Variants in ZFHX3 observed in about 807,000 individuals in gnomAD.
ZFHX3 encodes the protein zinc finger homeobox 3, also known as zinc finger homeobox protein 3.
In ZFHX3, 42 loss-of-function variants were observed where a neutral mutation model predicts 279.1. The ratio of observed to expected loss-of-function variants is 0.15; its 90% CI spans 0.12 to 0.19. ZFHX3 has a LOEUF of 0.19. Among genes scored for constraint, ZFHX3 ranks in the 10% least tolerant of loss-of-function variants. ZFHX3 has a pLI of 1.00. For missense variants in ZFHX3, 4,981 were observed against 4,754.0 expected, an observed-to-expected ratio of 1.05 and a Z score of -1.40; for synonymous variants, 2,293 against 1,957.8, an observed-to-expected ratio of 1.17 and a Z score of -4.52.
At chr16:72,897,256 C>T (rs1411641274) in intron 3 of ZFHX3, among the ~76,000 whole-genome samples, 3 of 152,186 alleles carry the variant, frequency 2.0e-5, no homozygotes, top group East Asian at 3.9e-4. Flanking sequence ...CAGCTTCTCG[C>T]TTCAGGGAGA....
chr16:73,668,779 A>G (rs912503126), intron 2 of ZFHX3, among the ~76,000 whole-genome samples: 1 of 152,220 alleles, frequency 6.6e-6, no homozygotes, highest in African/African-American at 2.4e-5. Flanking sequence ...TCTCAAAAGA[A>G]GACGCTTATG....
chr16:73,413,027 T>G (rs1567476373), intron 3 of ZFHX3, among the ~76,000 whole-genome samples: 1 of 152,208 alleles, frequency 6.6e-6, no homozygotes, highest in Non-Finnish European at 1.5e-5. Flanking sequence ...GAAAGCTGCC[T>G]TGCAGGAGTT....
At chr16:73,779,151 A>G (rs1959364322) in intron 1 of ZFHX3, among the ~76,000 whole-genome samples, 1 of 152,214 alleles carries the variant, frequency 6.6e-6, no homozygotes, top group Admixed American at 6.5e-5. Context: ...ATATGGCTAT[A>G]GCATTCCCGA....
intron 5 of ZFHX3, among the ~76,000 whole-genome samples, chr16:72,826,913 G>A (rs1388620407): frequency 6.6e-5 from 10 of 152,106 alleles, no homozygotes; most frequent in African/African-American, 2.4e-4. Context: ...ATGTCCACTA[G>A]TGCTGTGAAG....
intron 2 of ZFHX3, among the ~76,000 whole-genome samples, chr16:73,568,097 T>C (rs1230929680): frequency 6.6e-6 from 1 of 152,146 alleles, no homozygotes; most frequent in Non-Finnish European, 1.5e-5. Context: ...CAGAAAGTAG[T>C]CAGTTTGGTT....
upstream of ZFHX3, chr16:73,061,198 T>C (rs917824733): frequency 6.6e-6 from 1 of 152,172 alleles, no homozygotes; most frequent in African/African-American, 2.4e-5. Flanking sequence ...GCAAAACCTT[T>C]GTCATTTTCT....
At chr16:73,856,868 G>GA (rs1251705122) in intron 1 of ZFHX3, among the ~76,000 whole-genome samples, 1 of 152,182 alleles carries the variant, frequency 6.6e-6, no homozygotes, top group Non-Finnish European at 1.5e-5. Flanking sequence ...AAAGCATACA[G>GA]AAAAAATGTT....
chr16:73,380,448 G>C (rs535996910), intron 3 of ZFHX3, among the ~76,000 whole-genome samples: 1 of 152,280 alleles, frequency 6.6e-6, no homozygotes, highest in African/African-American at 2.4e-5. Flanking sequence ...TGAAGTCACT[G>C]TCATCAATAT....
At chr16:72,830,194 C>G (rs1449835576) in intron 4 of ZFHX3, among the ~76,000 whole-genome samples, 1 of 152,192 alleles carries the variant, frequency 6.6e-6, no homozygotes, top group Admixed American at 6.5e-5. Flanking sequence ...CACCTGAATC[C>G]CTGAAGTTGC....
chr16:73,534,623 G>A (rs190953066), intron 2 of ZFHX3, among the ~76,000 whole-genome samples: 2 of 152,276 alleles, frequency 1.3e-5, no homozygotes, highest in Non-Finnish European at 2.9e-5. Flanking sequence ...GAATTAAATT[G>A]CATTTGGTTT....
intron 5 of ZFHX3, among the ~76,000 whole-genome samples, chr16:73,196,637 T>G (rs1968155209): frequency 6.6e-6 from 1 of 152,060 alleles, no homozygotes; most frequent in Non-Finnish European, 1.5e-5. Flanking sequence ...GCAGAACATC[T>G]GAGTTGGAAT....
chr16:73,616,810 G>C (rs932938836), intron 2 of ZFHX3, among the ~76,000 whole-genome samples: 1 of 152,146 alleles, frequency 6.6e-6, no homozygotes, highest in Non-Finnish European at 1.5e-5. Flanking sequence ...AGGCCTGAAG[G>C]TGATTTCACA....
chr16:73,889,234 G>C (rs190846830), intron 1 of ZFHX3, among the ~76,000 whole-genome samples: 1 of 152,190 alleles, frequency 6.6e-6, no homozygotes, highest in Admixed American at 6.5e-5. Flanking sequence ...ACACAGGTGC[G>C]GCTGTGCAGG....
chr16:73,562,321 C>T (rs1478123547), intron 2 of ZFHX3, among the ~76,000 whole-genome samples: 2 of 152,172 alleles, frequency 1.3e-5, no homozygotes, highest in African/African-American at 4.8e-5. Context: ...AGAGGCCGGG[C>T]GCGGTGGCTC....
At chr16:72,982,383 T>C (rs1253271211) in intron 1 of ZFHX3, among the ~76,000 whole-genome samples, 1 of 152,166 alleles carries the variant, frequency 6.6e-6, no homozygotes, top group African/African-American at 2.4e-5. Context: ...GTTTCTACTG[T>C]GGTGCTCTTG....
intron 5 of ZFHX3, among the ~76,000 whole-genome samples, chr16:73,221,894 T>C (rs766752612): frequency 2.0e-5 from 3 of 152,156 alleles, no homozygotes; most frequent in Non-Finnish European, 4.4e-5. Context: ...AAGTATCACT[T>C]CACAACATGG....
At chr16:73,804,086 G>A (rs924342288) in intron 1 of ZFHX3, among the ~76,000 whole-genome samples, 2 of 152,182 alleles carry the variant, frequency 1.3e-5, no homozygotes, top group Non-Finnish European at 2.9e-5. Context: ...TAGCCTGGGA[G>A]GCTGAGGCTC....
chr16:73,193,641 C>T (rs1015388159), intron 5 of ZFHX3, among the ~76,000 whole-genome samples: 2 of 152,180 alleles, frequency 1.3e-5, no homozygotes, highest in Admixed American at 6.5e-5. Flanking sequence ...AAGGGGACAA[C>T]CCCTGTCTGG....
chr16:72,833,067 C>T (rs1389880621), intron 4 of ZFHX3, among the ~76,000 whole-genome samples: 4 of 152,188 alleles, frequency 2.6e-5, no homozygotes, highest in African/African-American at 4.8e-5. Context: ...CTCAGGCCCA[C>T]GATGCTTTGC....
Sources: allele counts gnomAD v4.1 joint callset (sites outside exome capture counted in the v4.1 genomes callset), GRCh38; gene constraint gnomAD v4.1.1; transcripts MANE v1.5; gene names NCBI Gene and HGNC (gene_info 2026-07-23, HGNC 2026-07-21).